The following ATG4C variants were observed in gnomAD, a reference collection of about 807,000 sequenced individuals.
The protein encoded by ATG4C is cysteine protease ATG4C.
Under a neutral mutation model 57.6 loss-of-function variants are expected in ATG4C, and 56 were observed. The ratio of observed to expected loss-of-function variants is 0.97; its 90% CI spans 0.78 to 1.21. The LOEUF (loss-of-function observed/expected upper bound fraction) is 1.21, where lower values mean the gene tolerates loss of function less well. Ranked by LOEUF, ATG4C falls within the 50% of genes most tolerant of loss-of-function variation. The probability of loss-of-function intolerance (pLI) is 0.00; values close to 1 mark genes in which losing one functional copy is unlikely to be tolerated. For synonymous variants in ATG4C, 157 were observed against 174.1 expected (o/e 0.90, Z 0.78); for missense variants, 595 against 529.8 (o/e 1.12, Z -1.21).
At chr1:62,851,294 A>G (rs780581641) in intron 10 of ATG4C, among the ~76,000 whole-genome samples, 7 of 152,198 alleles carry the variant, frequency 4.6e-5, no homozygotes, top group Admixed American at 6.5e-5. Flanking sequence ...AAAGTAGTAC[A>G]TACACTAACT....
intron 3 of ATG4C, among the ~76,000 whole-genome samples, chr1:62,805,954 C>T (rs942727015): frequency 3.5e-4 from 54 of 152,140 alleles, no homozygotes; most frequent in Admixed American, 1.3e-3. Context: ...TGTGTGAGAA[C>T]GAGAGAGAGT....
chr1:62,796,675 T>G (rs1435626096), intron 1 of ATG4C, among the ~76,000 whole-genome samples: 1 of 152,228 alleles, frequency 6.6e-6, no homozygotes, highest in Non-Finnish European at 1.5e-5. Flanking sequence ...TATTTGTAAT[T>G]TAGTGTATTC....
chr1:62,834,946 A>G, intron 9 of ATG4C, 94 bp downstream of exon 9: 1 of 975,504 alleles, frequency 1.0e-6, no homozygotes, highest in South Asian at 1.5e-5. Flanking sequence ...TTACGGTATT[A>G]TAACTACTGG....
intron 5 of ATG4C, among the ~76,000 whole-genome samples, chr1:62,820,637 A>G (rs1437766073): frequency 1.3e-5 from 2 of 152,100 alleles, no homozygotes; most frequent in Non-Finnish European, 2.9e-5. Context: ...TTACTTATAT[A>G]ATTTCAAGAC....
At chr1:62,828,014 A>T (rs1448687326) in intron 6 of ATG4C, among the ~76,000 whole-genome samples, 1 of 152,204 alleles carries the variant, frequency 6.6e-6, no homozygotes, top group Non-Finnish European at 1.5e-5. Flanking sequence ...GCTGCATAGT[A>T]TTCCATGGTG....
At position 62,855,847 on chromosome 1, in the gene ATG4C, C is replaced by T. The variant is rs989338718; in HGVS notation, c.1210-8145C>T. On this transcript the variant is annotated intron_variant, in intron 10 of 10. Coordinates refer to ENST00000317868, the MANE Select transcript of ATG4C (RefSeq NM_032852.4). ...ACTCAAGACTGTGTGCTCATAAGCA[C>T]TATGCTGTATAGTCTCCTATTTATA... 3.9e-5 allele frequency among the ~76,000 whole-genome samples: 6 copies of T among 152,316 alleles called. No individual in the cohort carries two copies. The Middle Eastern group carries it at 0.01, about 259-fold the overall frequency.
At chr1:62,809,989 T>C (rs1665023087) in intron 3 of ATG4C, among the ~76,000 whole-genome samples, 1 of 152,080 alleles carries the variant, frequency 6.6e-6, no homozygotes. Context: ...CTAACCTGTT[T>C]GTGAGAAATT....
At chr1:62,854,650 T>C (rs6677051) in intron 10 of ATG4C, among the ~76,000 whole-genome samples, 68,817 of 151,966 alleles carry the variant, frequency 0.45, 15,700 homozygotes, top group East Asian at 0.67. Flanking sequence ...TCTCTGTTTA[T>C]ATTTAATAGT....
chr1:62,816,272 CAA>C (rs1665267774), intron 3 of ATG4C, among the ~76,000 whole-genome samples: 1 of 151,938 alleles, frequency 6.6e-6, no homozygotes, highest in African/African-American at 2.4e-5. Context: ...GTCCCCTCTT[CAA>C]AGAGTTAATT....
At chr1:62,842,231 C>T (rs562068978) in intron 10 of ATG4C, among the ~76,000 whole-genome samples, 7 of 151,476 alleles carry the variant, frequency 4.6e-5, no homozygotes, top group South Asian at 4.2e-4. Context: ...AGTTTGATAG[C>T]TCTTTATTTG....
Position 62,803,310 on chromosome 1 carries a change from G to A in ATG4C, c.-68-409G>A, listed in dbSNP as rs562936117. ...AAGCTTCCATTCTGAAGATAGTCAA[G>A]ATTTTTTATAAGATTTCAAATCACC... On this transcript the variant is annotated intron_variant, in intron 1 of 10. Transcript: ENST00000317868. Among the ~76,000 whole-genome samples, 14 of 152,268 alleles carry A rather than the reference G, an allele frequency of 9.2e-5. No individual in the cohort carries two copies. The East Asian group carries it at 2.5e-3, about 27-fold the overall frequency.
chr1:62,826,457 C>T (rs549091502), intron 6 of ATG4C, among the ~76,000 whole-genome samples: 8 of 147,768 alleles, frequency 5.4e-5, no homozygotes, highest in African/African-American at 1.5e-4. Flanking sequence ...AGGATGGTCT[C>T]GATCTCCTGA....
chr1:62,789,989 A>G (rs1572087929), intron 1 of ATG4C, among the ~76,000 whole-genome samples: 1 of 150,656 alleles, frequency 6.6e-6, no homozygotes, highest in African/African-American at 2.4e-5. Context: ...ATCTTGGCTC[A>G]CCGCAACCTC....
At position 62,798,260 on chromosome 1, in the gene ATG4C, A is replaced by G. The variant is rs570108254; in HGVS notation, c.-68-5459A>G. Among the ~76,000 whole-genome samples, 21 of 152,342 alleles carry G rather than the reference A, an allele frequency of 1.4e-4. No homozygotes were observed. The South Asian group carries it at 3.7e-3, about 27-fold the overall frequency. ...TCATCATTTATTGAGGTAGTCATCTAGCTTTATTTTAAAAACTGTCTAGCT... is the reference window on the plus strand; with the variant it reads ...TCATCATTTATTGAGGTAGTCATCTGGCTTTATTTTAAAAACTGTCTAGCT... On this transcript the variant is annotated intron_variant, in intron 1 of 10. Coordinates refer to ENST00000317868, the MANE Select transcript of ATG4C (RefSeq NM_032852.4).
intron 1 of ATG4C, among the ~76,000 whole-genome samples, chr1:62,789,992 G>A (rs1432842405): frequency 2.0e-5 from 3 of 151,004 alleles, no homozygotes; most frequent in Admixed American, 1.3e-4. Context: ...TTGGCTCACC[G>A]CAACCTCTGC....
At chr1:62,843,450 C>A (rs565572725) in intron 10 of ATG4C, among the ~76,000 whole-genome samples, 16 of 152,204 alleles carry the variant, frequency 1.1e-4, no homozygotes, top group Non-Finnish European at 2.1e-4. Context: ...ATAAGTTAAG[C>A]ACTTGCCTTT....
At chr1:62,836,451 G>T (rs1666002437) in intron 9 of ATG4C, among the ~76,000 whole-genome samples, 1 of 151,934 alleles carries the variant, frequency 6.6e-6, no homozygotes, top group South Asian at 2.1e-4. Context: ...TTATTTTTCT[G>T]CAGTGAAGGG....
At chr1:62,796,139 G>A (rs920511517) in intron 1 of ATG4C, among the ~76,000 whole-genome samples, 3 of 142,590 alleles carry the variant, frequency 2.1e-5, no homozygotes, top group Non-Finnish European at 3.0e-5. Flanking sequence ...TTTATGCTTT[G>A]TAGTCAAATG....
At chr1:62,834,304 TA>T (rs1665931030) in intron 8 of ATG4C, among the ~76,000 whole-genome samples, 188 bp downstream of exon 8, 1 of 152,086 alleles carries the variant, frequency 6.6e-6, no homozygotes, top group Non-Finnish European at 1.5e-5. Context: ...AATATATGTT[TA>T]ATTTCTGTTA....
Sources: allele counts gnomAD v4.1 joint callset (sites outside exome capture counted in the v4.1 genomes callset), GRCh38; gene constraint gnomAD v4.1.1; transcripts MANE v1.5; gene names NCBI Gene and HGNC (gene_info 2026-07-23, HGNC 2026-07-21).